ANKRD36: variants seen among roughly 807,000 people sequenced by gnomAD.
ANKRD36 encodes ankyrin repeat domain-containing protein 36A.
In ANKRD36, 179 loss-of-function variants were observed where a neutral mutation model predicts 278.1. The observed-to-expected ratio is 0.64, with a 90% CI of 0.57 to 0.73. ANKRD36 has a LOEUF of 0.73. ANKRD36 is among the 30% of genes least tolerant of loss of function. The pLI is 0.00. For synonymous variants in ANKRD36, 320 were observed against 641.1 expected (o/e 0.50, Z 7.57); for missense variants, 1,159 against 1,956.7 (o/e 0.59, Z 7.69).
At chr2:97,212,456 A>T (rs1272964945) in intron 58 of ANKRD36, among the ~76,000 whole-genome samples, 1 of 151,910 alleles carries the variant, frequency 6.6e-6, no homozygotes, top group Non-Finnish European at 1.5e-5. Flanking sequence ...TTCAGTTATA[A>T]AACTGAGATA....
intron 4 of ANKRD36, among the ~76,000 whole-genome samples, chr2:97,123,202 C>T (rs2037401113): frequency 6.6e-6 from 1 of 151,568 alleles, no homozygotes; most frequent in Non-Finnish European, 1.5e-5. Context: ...CAGGATTCGT[C>T]TCTCTCTATA....
rs556570329 is a variant in ANKRD36, at chr2:97,202,116, A to G, written c.2858-86A>G. The stretch of plus-strand genomic sequence containing the variant: ...CCTATGCTAATACAGGCAGGAGGAC[A>G]GAGGTTGATTCTAACAGTGCTCGAA... On this transcript the variant is annotated intron_variant, in intron 46 of 75. Coordinates refer to ENST00000420699, the MANE Select transcript of ANKRD36 (RefSeq NM_001354587.1). 8.2e-5 allele frequency: 130 copies of G among 1,589,890 alleles called. 1 individual carries two copies. The East Asian group carries it at 3.0e-3, about 36-fold the overall frequency.
chr2:97,140,242 C>T (rs968478390), intron 6 of ANKRD36, among the ~76,000 whole-genome samples: 5 of 151,582 alleles, frequency 3.3e-5, no homozygotes, highest in African/African-American at 1.2e-4. Flanking sequence ...TTCAAGTCTT[C>T]ACAAGTTATT....
At chr2:97,207,705 G>C in intron 52 of ANKRD36, 106 bp from the exon 53 acceptor site, 1 of 1,509,442 alleles carries the variant, frequency 6.6e-7, no homozygotes. Flanking sequence ...CAAAGCCTAC[G>C]CTAATACAGG....
At chr2:97,121,154 TTTGGTAA>T (rs2036693195) in intron 3 of ANKRD36, among the ~76,000 whole-genome samples, 1 of 152,134 alleles carries the variant, frequency 6.6e-6, no homozygotes, top group Non-Finnish European at 1.5e-5. Context: ...ATATAAATCC[TTTGGTAA>T]TCGGGTTGAA....
intron 48 of ANKRD36, among the ~76,000 whole-genome samples, chr2:97,202,870 G>T (rs2061784216): frequency 6.6e-6 from 1 of 151,792 alleles, no homozygotes; most frequent in Non-Finnish European, 1.5e-5. Context: ...AGGAAGGGGT[G>T]AAAAGAGGAA....
chr2:97,135,020 A>G (rs961923853), intron 6 of ANKRD36, among the ~76,000 whole-genome samples: 2 of 152,116 alleles, frequency 1.3e-5, no homozygotes, highest in African/African-American at 4.8e-5. Context: ...GGAGAGGATT[A>G]GTGAGAGTAA....
At chr2:97,198,309 T>C in intron 42 of ANKRD36, 154 bp from the exon 43 acceptor site, 1 of 1,463,820 alleles carries the variant, frequency 6.8e-7, no homozygotes, top group Non-Finnish European at 9.3e-7. Context: ...AGCGTATTTC[T>C]GTCACGTTCT....
In ANKRD36 at chr2:97,152,513, C is replaced by G; in HGVS notation, c.1172C>G (p.Pro391Arg). 1 of 1,472,632 alleles carries G rather than the reference C, an allele frequency of 6.8e-7. No homozygotes were observed. The highest frequency in any genetic ancestry group is 1.2e-5 in the South Asian group (1 of 82,842). 91.2% of individuals were successfully genotyped at this position (1,472,632 alleles called of 1,614,324 possible). A position where few individuals can be genotyped will look rare whatever the true frequency, so the allele number is the denominator to read the frequency against. The part of the protein sequence containing the change: ...SPRSIKDVLP[P>R]VEEAVDRCLY... ...ACTTTTTCTTTAATAGTGCTTCCTC[C>G]TGTTGAAGAGGCTGTTGACAGGTAT... Residue 391 changes from proline (P) to arginine (R), a missense_variant, in exon 14 of 76, where the codon CCT becomes CGT. By Grantham distance (103) the Pro-to-Arg change is moderately radical. Coordinates refer to ENST00000420699, the MANE Select transcript of ANKRD36 (RefSeq NM_001354587.1).
chr2:97,230,678 G>T lies in ANKRD36; in HGVS notation c.3952-3052G>T, dbSNP rs2071657113. ...TCTGTCCAGCTTTGTTCTGTTGCTGGTGAGGAACTGCATTCCTTTGGAAGA... is the reference window on the plus strand; with the variant it reads ...TCTGTCCAGCTTTGTTCTGTTGCTGTTGAGGAACTGCATTCCTTTGGAAGA... On this transcript the variant is annotated intron_variant, in intron 67 of 75. Coordinates refer to ENST00000420699, the MANE Select transcript of ANKRD36 (RefSeq NM_001354587.1). Among the ~76,000 whole-genome samples, 2 of 152,204 alleles carry T rather than the reference G, an allele frequency of 1.3e-5. 1 individual carries two copies. The highest frequency in any genetic ancestry group is 1.3e-4 in the Admixed American group (2 of 15,284).
At chr2:97,183,787 G>C (rs1461924673) in intron 28 of ANKRD36, 133 bp downstream of exon 28, 1 of 1,281,570 alleles carries the variant, frequency 7.8e-7, no homozygotes, top group Non-Finnish European at 1.1e-6. Context: ...TGCATTTCTA[G>C]TAAGTTGTCA....
chr2:97,240,905 G>A (rs1323873527), intron 68 of ANKRD36, among the ~76,000 whole-genome samples: 3 of 114,960 alleles, frequency 2.6e-5, no homozygotes, highest in Non-Finnish European at 5.0e-5. Context: ...TCATTTCTCA[G>A]TGTAGCATCT....
chr2:97,196,676 T>C, intron 41 of ANKRD36, 40 bp from the exon 42 acceptor site: 2 of 1,590,848 alleles, frequency 1.3e-6, no homozygotes, highest in Non-Finnish European at 1.7e-6. Flanking sequence ...CTATGAAACA[T>C]ACTTTATTTA....
chr2:97,222,087 A>G (rs1234661258), intron 66 of ANKRD36, among the ~76,000 whole-genome samples: 1 of 151,834 alleles, frequency 6.6e-6, no homozygotes, highest in Non-Finnish European at 1.5e-5. Context: ...TCAGATAGTT[A>G]TAGATATGTG....
chr2:97,164,429 T>C lies in ANKRD36; in HGVS notation c.1491T>C (p.Thr497=), dbSNP rs1455559520. 1.3e-6 allele frequency: 2 copies of C among 1,537,512 alleles called. No homozygotes were observed. The highest frequency in any genetic ancestry group is 2.4e-5 in the East Asian group (1 of 40,902). ...HTVKDRDHIS[T]RFLGGMDSLT... ...TGAAAGACAGAGATCACATTTCAAC[T>C]AGATTCTTAGGAGGTATGGATTCAC... Residue 497 remains threonine (T), a synonymous_variant, in exon 20 of 76, where the codon ACT becomes ACC. Transcript: ENST00000420699.
chr2:97,172,434 T>C (rs2052854048), intron 22 of ANKRD36, among the ~76,000 whole-genome samples: 1 of 151,966 alleles, frequency 6.6e-6, no homozygotes, highest in Admixed American at 6.6e-5. Context: ...CATACCAACA[T>C]GGATATGCTT....
At chr2:97,191,439 C>G (rs2058491261) in intron 36 of ANKRD36, among the ~76,000 whole-genome samples, 1 of 151,600 alleles carries the variant, frequency 6.6e-6, no homozygotes, top group Admixed American at 6.6e-5. Context: ...ATAAGGGGCT[C>G]TGGGGAACAG....
At chr2:97,117,208 G>T (rs1176972287) in intron 1 of ANKRD36, among the ~76,000 whole-genome samples, 1 of 151,564 alleles carries the variant, frequency 6.6e-6, no homozygotes, top group Non-Finnish European at 1.5e-5. Context: ...AAAAAAATGG[G>T]CCATACCTAT....
intron 10 of ANKRD36, 147 bp downstream of exon 10, chr2:97,144,859 T>C (rs886785477): frequency 2.5e-6 from 3 of 1,205,438 alleles, no homozygotes; most frequent in South Asian, 1.6e-5. Context: ...TCTGGAGTGA[T>C]GGTGATTCTG....
Sources: gnomAD v4.1 joint callset for allele counts (sites outside exome capture counted in the v4.1 genomes callset) on GRCh38, gnomAD v4.1.1 for gene constraint, MANE v1.5 for transcripts, NCBI Gene and HGNC (gene_info 2026-07-23, HGNC 2026-07-21) for gene names.